Variants in ZSCAN5A observed in about 807,000 individuals in gnomAD.
The protein encoded by ZSCAN5A is zinc finger and SCAN domain-containing protein 5A.
ZSCAN5A carries 12 observed loss-of-function variants against 23.7 expected under a neutral mutation model. That is an observed-to-expected ratio of 0.51 (90% CI 0.32 to 0.82). The LOEUF (loss-of-function observed/expected upper bound fraction) is 0.82, where lower values mean the gene tolerates loss of function less well. ZSCAN5A is among the 40% of genes least tolerant of loss of function. The probability of loss-of-function intolerance (pLI) is 0.03; values close to 1 mark genes in which losing one functional copy is unlikely to be tolerated. For synonymous variants in ZSCAN5A, 257 were observed against 239.9 expected, an observed-to-expected ratio of 1.07 and a Z score of -0.66; for missense variants, 597 against 617.9, an observed-to-expected ratio of 0.97 and a Z score of 0.36.
At chr19:56,285,801 G>T (rs964256206) in intron 2 of ZSCAN5A, among the ~76,000 whole-genome samples, 20 of 151,896 alleles carry the variant, frequency 1.3e-4, no homozygotes, top group African/African-American at 4.8e-4. Context: ...ATTTTGTTTT[G>T]ATGTTATTAT....
chr19:56,366,924 A>C (rs776850286), intron 1 of ZSCAN5A, among the ~76,000 whole-genome samples: 10 of 152,286 alleles, frequency 6.6e-5, no homozygotes, highest in Non-Finnish European at 1.2e-4. Flanking sequence ...ATCAGGAAAA[A>C]ATTACAAGGC....
At chr19:56,343,452 TGGGCTACCAA>T in intron 2 of ZSCAN5A, 1 of 484,014 alleles carries the variant, frequency 2.1e-6, no homozygotes. Context: ...AGTTTCTTCC[TGGGCTACCAA>T]GGGCTACCAA....
intron 2 of ZSCAN5A, among the ~76,000 whole-genome samples, chr19:56,344,960 C>T (rs2041622219): frequency 6.8e-6 from 1 of 148,050 alleles, no homozygotes; most frequent in Non-Finnish European, 1.5e-5. Context: ...AAAAAATTAG[C>T]CAGGCGTGTT....
At chr19:56,256,515 T>C (rs906268206) in intron 2 of ZSCAN5A, among the ~76,000 whole-genome samples, 1 of 152,200 alleles carries the variant, frequency 6.6e-6, no homozygotes, top group Non-Finnish European at 1.5e-5. Flanking sequence ...TAATATGTAG[T>C]GCATGTCCTT....
At chr19:56,287,286 T>C (rs1419939625) in intron 2 of ZSCAN5A, among the ~76,000 whole-genome samples, 1 of 152,228 alleles carries the variant, frequency 6.6e-6, no homozygotes, top group South Asian at 2.1e-4. Context: ...GTGGGAAACA[T>C]TTTACGGAAA....
At position 56,344,928 on chromosome 19, in the gene ZSCAN5A, A is replaced by AG. The variant is rs1171062279; in HGVS notation, c.-358+18306_-358+18307insC. On this transcript the variant is annotated intron_variant, in intron 2 of 6. Coordinates refer to the ZSCAN5A transcript ENST00000587340. The stretch of plus-strand genomic sequence containing the variant: ...CCGTCTCAAAAAAAAAAAAAAAAAA[A>AG]AAAAAAAGAAAAAAAAGATACAAAA... 2.7e-5 allele frequency among the ~76,000 whole-genome samples: 4 copies of AG among 148,252 alleles called. No individual in the cohort carries two copies. In the East Asian group the frequency reaches 7.8e-4, roughly 29 times the overall value.
At chr19:56,337,329 A>C (rs1037607526) in intron 2 of ZSCAN5A, among the ~76,000 whole-genome samples, 2 of 152,180 alleles carry the variant, frequency 1.3e-5, no homozygotes, top group African/African-American at 4.8e-5. Flanking sequence ...GTTTGATCTC[A>C]GACTGCTGTG....
intron 2 of ZSCAN5A, among the ~76,000 whole-genome samples, chr19:56,309,600 G>C (rs1313222470): frequency 2.0e-5 from 3 of 152,194 alleles, no homozygotes; most frequent in African/African-American, 7.2e-5. Context: ...AAGTACCCCT[G>C]ATCCATCCCT....
chr19:56,268,795 T>C (rs55700397), intron 2 of ZSCAN5A, among the ~76,000 whole-genome samples: 19,375 of 152,160 alleles, frequency 0.13, 1,624 homozygotes, highest in Middle Eastern at 0.21. Flanking sequence ...TCCCTCCCCA[T>C]TCCTAGTCCC....
chr19:56,250,929 T>C (rs989356614), intron 2 of ZSCAN5A, among the ~76,000 whole-genome samples: 1 of 152,166 alleles, frequency 6.6e-6, no homozygotes, highest in Admixed American at 6.5e-5. Context: ...GGCAGGCAGA[T>C]CACGAGGGCA....
chr19:56,366,440 AAAAG>A (rs1470961667), intron 1 of ZSCAN5A, among the ~76,000 whole-genome samples: 2 of 151,724 alleles, frequency 1.3e-5, no homozygotes, highest in Non-Finnish European at 2.9e-5. Flanking sequence ...AAAAAAAAAA[AAAAG>A]AAACCTTACC....
chr19:56,282,264 T>C (rs2038770186), intron 2 of ZSCAN5A, among the ~76,000 whole-genome samples: 1 of 152,180 alleles, frequency 6.6e-6, no homozygotes, highest in African/African-American at 2.4e-5. Context: ...CTGGTACCCC[T>C]GAAGTTTCTG....
At chr19:56,260,268 G>A (rs1287300892) in intron 2 of ZSCAN5A, among the ~76,000 whole-genome samples, 9 of 144,100 alleles carry the variant, frequency 6.2e-5, no homozygotes, top group African/African-American at 2.3e-4. Flanking sequence ...AGGCTGGAGT[G>A]CAATGGTGCG....
At chr19:56,365,862 G>A (rs951040169) in intron 1 of ZSCAN5A, 1 of 152,216 alleles carries the variant, frequency 6.6e-6, no homozygotes, top group Non-Finnish European at 1.5e-5. Context: ...CCTTGCCATA[G>A]AGCTATCTTT....
intron 2 of ZSCAN5A, among the ~76,000 whole-genome samples, chr19:56,353,626 C>CAA (rs1568765125): frequency 6.6e-6 from 1 of 151,164 alleles, no homozygotes; most frequent in Admixed American, 6.6e-5. Flanking sequence ...AAAAAAAATA[C>CAA]AAAAAATTAG....
intron 2 of ZSCAN5A, among the ~76,000 whole-genome samples, chr19:56,260,867 T>TA (rs2037075999): frequency 1.3e-5 from 2 of 152,150 alleles, no homozygotes; most frequent in African/African-American, 2.4e-5. Context: ...TTACCTCACT[T>TA]AAACTCCACA....
chr19:56,275,972 T>G (rs1161353254), intron 2 of ZSCAN5A, among the ~76,000 whole-genome samples: 2 of 152,200 alleles, frequency 1.3e-5, no homozygotes, highest in Non-Finnish European at 2.9e-5. Flanking sequence ...TCAGCTGATC[T>G]CCAGGGACAC....
intron 2 of ZSCAN5A, chr19:56,342,946 GT>G: frequency 2.0e-6 from 2 of 1,023,960 alleles, no homozygotes; most frequent in Non-Finnish European, 3.1e-6. Context: ...GTGCACTTTG[GT>G]TATTCTTGCC....
chr19:56,289,926 T>A (rs2039403194), intron 2 of ZSCAN5A, among the ~76,000 whole-genome samples: 1 of 152,190 alleles, frequency 6.6e-6, no homozygotes, highest in Middle Eastern at 3.2e-3. Context: ...CACAAATGTT[T>A]CTTGTACCTC....
Sources: gnomAD v4.1 joint callset for allele counts (sites outside exome capture counted in the v4.1 genomes callset) on GRCh38, gnomAD v4.1.1 for gene constraint, MANE v1.5 for transcripts, NCBI Gene and HGNC (gene_info 2026-07-23, HGNC 2026-07-21) for gene names.